GALNT13: variants seen among roughly 807,000 people sequenced by gnomAD.
The protein encoded by GALNT13 is UDP-GalNAc:polypeptide N-acetylgalactosaminyltransferase 13.
In GALNT13, 28 loss-of-function variants were observed where a neutral mutation model predicts 64.2. That is an observed-to-expected ratio of 0.44 (90% confidence interval 0.32 to 0.60). The LOEUF (loss-of-function observed/expected upper bound fraction) is 0.60. Ranked by LOEUF, GALNT13 falls within the 20% of genes least tolerant of loss-of-function variation. GALNT13 has a pLI of 0.05. For synonymous variants in GALNT13, 214 were observed against 224.6 expected (o/e 0.95, Z 0.42); for missense variants, 577 against 669.8 (o/e 0.86, Z 1.53).
the GALNT13 span, among the ~76,000 whole-genome samples, chr2:153,293,001 G>GT: frequency 1.3e-5 from 2 of 151,892 alleles, no homozygotes; most frequent in Admixed American, 6.6e-5. Flanking sequence ...TTTTGTTAAG[G>GT]TTTTTTTCCC....
intron 4 of GALNT13, among the ~76,000 whole-genome samples, chr2:154,152,507 A>T (rs2105628247): frequency 6.6e-6 from 1 of 152,194 alleles, no homozygotes; most frequent in Admixed American, 6.5e-5. Flanking sequence ...GTTCTCCTGG[A>T]TAATATCCTG....
chr2:154,434,329 C>T (rs1331303381), intron 11 of GALNT13, among the ~76,000 whole-genome samples: 4 of 152,026 alleles, frequency 2.6e-5, no homozygotes, highest in South Asian at 2.1e-4. Flanking sequence ...GTGTGATCTC[C>T]GCTCACTGCA....
At chr2:153,434,568 C>T in the GALNT13 span, among the ~76,000 whole-genome samples, 2 of 152,262 alleles carry the variant, frequency 1.3e-5, no homozygotes, top group East Asian at 1.9e-4. Context: ...ATTTGCATTT[C>T]TCTGATGGCC....
chr2:153,845,810 A>G, the GALNT13 span, among the ~76,000 whole-genome samples: 1 of 152,236 alleles, frequency 6.6e-6, no homozygotes, highest in African/African-American at 2.4e-5. Flanking sequence ...ATACTTTTGT[A>G]TATCACAAAA....
the GALNT13 span, among the ~76,000 whole-genome samples, chr2:153,827,304 A>G: frequency 6.6e-6 from 1 of 152,086 alleles, no homozygotes; most frequent in Non-Finnish European, 1.5e-5. Flanking sequence ...ACACATGGGA[A>G]TTGTGGGAGT....
At chr2:154,154,321 G>C (rs1684269842) in intron 4 of GALNT13, among the ~76,000 whole-genome samples, 1 of 152,204 alleles carries the variant, frequency 6.6e-6, no homozygotes, top group Non-Finnish European at 1.5e-5. Context: ...CAGAAGGTAT[G>C]TGAGGCCTGT....
chr2:153,776,113 CTT>C, the GALNT13 span, among the ~76,000 whole-genome samples: 1 of 152,138 alleles, frequency 6.6e-6, no homozygotes, highest in Non-Finnish European at 1.5e-5. Context: ...TTCAAACACT[CTT>C]TTAACTCAGA....
the GALNT13 span, among the ~76,000 whole-genome samples, chr2:153,742,639 AT>A: frequency 1.3e-5 from 2 of 151,900 alleles, no homozygotes; most frequent in African/African-American, 2.4e-5. Context: ...TCCACATGTA[AT>A]TTAGCTCCCA....
the GALNT13 span, chr2:153,421,655 A>G: frequency 3.7e-6 from 1 of 273,712 alleles, no homozygotes; most frequent in Non-Finnish European, 7.7e-6. Flanking sequence ...TGATGCCCCC[A>G]GGCATAGTTA....
the GALNT13 span, among the ~76,000 whole-genome samples, chr2:153,370,422 A>G: frequency 6.6e-6 from 1 of 152,180 alleles, no homozygotes; most frequent in South Asian, 2.1e-4. Flanking sequence ...CTTCCAAAAA[A>G]TTTAGCAAAT....
chr2:153,167,914 C>T, the GALNT13 span, among the ~76,000 whole-genome samples: 4 of 152,116 alleles, frequency 2.6e-5, no homozygotes, highest in African/African-American at 7.2e-5. Flanking sequence ...TTCCTAAGAC[C>T]GTAAGTGGTA....
chr2:154,116,325 A>G (rs1681561464), intron 3 of GALNT13, among the ~76,000 whole-genome samples: 1 of 152,136 alleles, frequency 6.6e-6, no homozygotes, highest in African/African-American at 2.4e-5. Context: ...AACAGTAGAA[A>G]CCTGGTGAGG....
rs1701913958 is a variant in GALNT13 at position 154,452,614 on chromosome 2, C to G, written c.*2063C>G. 1 of 152,056 alleles carries G rather than the reference C, an allele frequency of 6.6e-6. No homozygotes were observed. The highest frequency in any genetic ancestry group is 2.1e-4 in the South Asian group (1 of 4,828). The allele number at this position is 152,056 out of a possible 1,614,324, so 9.4% of individuals were successfully genotyped here. A position where few individuals can be genotyped will look rare whatever the true frequency, so the allele number is the denominator to read the frequency against. On this transcript the variant is annotated 3_prime_UTR_variant, in exon 13 of 13. Transcript: ENST00000392825. ...CAAAGCTGAACTTGAAACGTTTTAGCAGAATTTTAAATATGTGAAAGTTCA... is the reference window on the plus strand; with the variant it reads ...CAAAGCTGAACTTGAAACGTTTTAGGAGAATTTTAAATATGTGAAAGTTCA...
intron 3 of GALNT13, among the ~76,000 whole-genome samples, chr2:154,063,918 C>T (rs761539400): frequency 2.6e-5 from 4 of 152,146 alleles, no homozygotes; most frequent in Non-Finnish European, 5.9e-5. Flanking sequence ...ATAAGAACCA[C>T]CAGTCAGGTA....
intron 1 of GALNT13, 133 bp downstream of exon 1, chr2:153,872,436 C>G (rs1046969918): frequency 5.9e-5 from 9 of 151,984 alleles, no homozygotes; most frequent in African/African-American, 9.7e-5. Flanking sequence ...GCCGAGCGCC[C>G]CGGGCCGGTC....
At chr2:154,201,330 T>G (rs1251852325) in intron 4 of GALNT13, among the ~76,000 whole-genome samples, 1 of 152,128 alleles carries the variant, frequency 6.6e-6, no homozygotes, top group African/African-American at 2.4e-5. Context: ...TCATAGAAGC[T>G]TTGTTTGATT....
At chr2:154,092,486 C>G (rs1701865293) in intron 3 of GALNT13, among the ~76,000 whole-genome samples, 1 of 151,976 alleles carries the variant, frequency 6.6e-6, no homozygotes, top group Non-Finnish European at 1.5e-5. Flanking sequence ...GAAATGTGTA[C>G]TCCATGTAGG....
the GALNT13 span, among the ~76,000 whole-genome samples, chr2:153,750,434 A>T: frequency 1.3e-5 from 2 of 151,926 alleles, no homozygotes; most frequent in African/African-American, 4.8e-5. Flanking sequence ...CATAGAATTC[A>T]GCATTGAAAC....
At chr2:153,814,248 G>A in the GALNT13 span, among the ~76,000 whole-genome samples, 1 of 152,168 alleles carries the variant, frequency 6.6e-6, no homozygotes, top group Non-Finnish European at 1.5e-5. Context: ...AGACCATCCT[G>A]GCTAACATGG....
Sources: allele counts gnomAD v4.1 joint callset (sites outside exome capture counted in the v4.1 genomes callset), GRCh38; gene constraint gnomAD v4.1.1; transcripts MANE v1.5; gene names NCBI Gene and HGNC (gene_info 2026-07-23, HGNC 2026-07-21).